EPS15: variants seen among roughly 807,000 people sequenced by gnomAD.
EPS15 encodes epidermal growth factor receptor pathway substrate 15, also known as epidermal growth factor receptor substrate 15.
In EPS15, 72 loss-of-function variants were observed where a neutral mutation model predicts 113.8. The observed-to-expected ratio is 0.63, with a 90% CI of 0.52 to 0.77. The LOEUF is 0.77. EPS15 is among the 30% of genes least tolerant of loss of function. EPS15 has a pLI of 0.00. For synonymous variants in EPS15, 344 were observed against 363.4 expected (o/e 0.95, Z 0.61); for missense variants, 1,048 against 1,045.8 (o/e 1.00, Z -0.03).
intron 17 of EPS15, 126 bp downstream of exon 17, chr1:51,403,293 G>A (rs538265518): frequency 2.2e-6 from 1 of 461,296 alleles, no homozygotes; most frequent in East Asian, 3.5e-5. Flanking sequence ...GGTGAAGTCG[G>A]GGCTTTTGAT....
At chr1:51,438,348 T>C (rs919160909) in intron 12 of EPS15, among the ~76,000 whole-genome samples, 26 of 152,334 alleles carry the variant, frequency 1.7e-4, no homozygotes, top group South Asian at 1.4e-3. Context: ...TGCCATTTAC[T>C]ATATAAGACT....
chr1:51,365,956 T>C lies in EPS15; in HGVS notation c.2193A>G (p.Ser731=), dbSNP rs992522427. 13 of 1,605,142 alleles carry C rather than the reference T, an allele frequency of 8.1e-6. No individual in the cohort carries two copies. Among genetic ancestry groups the C allele is most frequent in the Non-Finnish European group, 1.1e-5 (13 of 1,173,412 alleles). Residue 731 remains serine, a synonymous_variant, in exon 22 of 25, where the codon TCA becomes TCG. Coordinates refer to ENST00000371733, the MANE Select transcript of EPS15 (RefSeq NM_001981.3). The part of the protein sequence containing the change: ...GGGFADFSTL[S]KVNNEDPFRS... Reference sequence around the variant, plus strand: ...CCCATTAATTACTGTAGATTACCTTTGACAATGTGCTGAAGTCAGCAAATC... The same window carrying C: ...CCCATTAATTACTGTAGATTACCTTCGACAATGTGCTGAAGTCAGCAAATC...
intron 21 of EPS15, among the ~76,000 whole-genome samples, chr1:51,378,085 C>T (rs148978245): frequency 0.042 from 6,365 of 151,910 alleles, 201 homozygotes; most frequent in Middle Eastern, 0.11. Context: ...TTAGTAGAGA[C>T]GTGGTTTCAC....
intron 13 of EPS15, among the ~76,000 whole-genome samples, chr1:51,412,479 C>G (rs1649822673): frequency 6.6e-6 from 1 of 152,190 alleles, no homozygotes; most frequent in South Asian, 2.1e-4. Flanking sequence ...AAAATGCCAA[C>G]ACAATAGATG....
At chr1:51,369,146 G>GT (rs1296398216) in intron 21 of EPS15, among the ~76,000 whole-genome samples, 1 of 152,120 alleles carries the variant, frequency 6.6e-6, no homozygotes, top group African/African-American at 2.4e-5. Context: ...TTTTAAAAAG[G>GT]ACACTTCTAT....
Position 51,468,571 on chromosome 1 carries a change from A to G in EPS15, c.214-3T>C. ...AGACGCAAAGCAACAAAGAATTCCTAAGAAAGAAAAGTATGAATGTTAAGA... is the reference window on the plus strand; with the variant it reads ...AGACGCAAAGCAACAAAGAATTCCTGAGAAAGAAAAGTATGAATGTTAAGA... On this transcript the variant is annotated splice_polypyrimidine_tract_variant and splice_region_variant and intron_variant, in intron 4 of 24. Coordinates refer to ENST00000371733, the MANE Select transcript of EPS15 (RefSeq NM_001981.3). The G allele has an allele frequency of 6.2e-7, 1 of 1,601,964 alleles. No homozygotes were observed. Among genetic ancestry groups the G allele is most frequent in the African/African-American group, 1.3e-5 (1 of 74,758 alleles).
intron 13 of EPS15, among the ~76,000 whole-genome samples, chr1:51,420,297 G>A (rs1407926403): frequency 6.6e-6 from 1 of 152,082 alleles, no homozygotes; most frequent in Non-Finnish European, 1.5e-5. Flanking sequence ...AGGAAACAAT[G>A]TAAATTTCAG....
intron 14 of EPS15, 115 bp from the exon 15 acceptor site, chr1:51,408,447 A>T (rs1649349808): frequency 4.3e-6 from 3 of 704,262 alleles, no homozygotes; most frequent in Non-Finnish European, 7.2e-6. Flanking sequence ...GTTTTTTTTG[A>T]CAGCAATAGC....
At chr1:51,418,089 C>T (rs1190773269) in intron 13 of EPS15, among the ~76,000 whole-genome samples, 1 of 152,082 alleles carries the variant, frequency 6.6e-6, no homozygotes, top group Non-Finnish European at 1.5e-5. Flanking sequence ...AAAGTTCAAA[C>T]CAGAAGCCAA....
chr1:51,404,313 G>A (rs903637325), intron 16 of EPS15, among the ~76,000 whole-genome samples: 8 of 151,934 alleles, frequency 5.3e-5, no homozygotes, highest in South Asian at 2.1e-4. Context: ...AGGAGGCAGA[G>A]GTTGCAGTGA....
At chr1:51,414,712 G>A (rs544790797) in intron 13 of EPS15, among the ~76,000 whole-genome samples, 46 of 152,092 alleles carry the variant, frequency 3.0e-4, no homozygotes, top group African/African-American at 1.0e-3. Context: ...TTTAAAGCCA[G>A]ATGTAATTTT....
At chr1:51,359,096 T>C (rs1646314847) in intron 24 of EPS15, among the ~76,000 whole-genome samples, 1 of 152,122 alleles carries the variant, frequency 6.6e-6, no homozygotes, top group Admixed American at 6.6e-5. Context: ...ATTATAACCT[T>C]CTAAAAAGGC....
chr1:51,385,498 T>A (rs1647042419), intron 21 of EPS15, among the ~76,000 whole-genome samples: 1 of 152,164 alleles, frequency 6.6e-6, no homozygotes. Flanking sequence ...AATAGTATGA[T>A]CATTTCTCAA....
At chr1:51,368,699 G>A (rs906673493) in intron 21 of EPS15, among the ~76,000 whole-genome samples, 1 of 151,400 alleles carries the variant, frequency 6.6e-6, no homozygotes, top group Admixed American at 6.6e-5. Context: ...CCAGATTCAA[G>A]TGATTCTCGT....
intron 21 of EPS15, among the ~76,000 whole-genome samples, chr1:51,390,656 A>G (rs1647266342): frequency 6.6e-6 from 1 of 152,216 alleles, no homozygotes; most frequent in Admixed American, 6.5e-5. Context: ...TGGATGAAGG[A>G]TATGAACAGA....
At chr1:51,468,028 G>A (rs1284683499) in intron 5 of EPS15, among the ~76,000 whole-genome samples, 2 of 151,946 alleles carry the variant, frequency 1.3e-5, no homozygotes, top group South Asian at 4.2e-4. Flanking sequence ...GTGTGATCAC[G>A]GCTCATTGCA....
In EPS15 at chr1:51,451,845, T is replaced by C. The variant is rs1176534532; in HGVS notation, c.562-3710A>G. Among the ~76,000 whole-genome samples the C allele has an allele frequency of 3.3e-5, 5 of 152,136 alleles. No homozygotes were observed. The East Asian group carries it at 9.6e-4, about 29-fold the overall frequency. On this transcript the variant is annotated intron_variant, in intron 8 of 24. Coordinates refer to ENST00000371733, the MANE Select transcript of EPS15 (RefSeq NM_001981.3). ...ATCACTCAAACTAACTTGGAACCTC[T>C]AGAAAGAGTCCAGCAACCACGAAAA...
intron 1 of EPS15, among the ~76,000 whole-genome samples, chr1:51,509,383 T>C (rs1644579610): frequency 6.6e-6 from 1 of 152,140 alleles, no homozygotes; most frequent in African/African-American, 2.4e-5. Context: ...TAAAAATTAA[T>C]GGCTCATATA....
chr1:51,506,865 A>C (rs914920203), intron 1 of EPS15, among the ~76,000 whole-genome samples: 11 of 152,130 alleles, frequency 7.2e-5, no homozygotes, highest in African/African-American at 2.7e-4. Context: ...AATGAAAGCA[A>C]TACAGACTGC....
Sources: gnomAD v4.1 joint callset for allele counts (sites outside exome capture counted in the v4.1 genomes callset) on GRCh38, gnomAD v4.1.1 for gene constraint, MANE v1.5 for transcripts, NCBI Gene and HGNC (gene_info 2026-07-23, HGNC 2026-07-21) for gene names.